DPYD: variants seen among roughly 807,000 people sequenced by gnomAD.
DPYD encodes the protein dihydropyrimidine dehydrogenase [NADP(+)].
DPYD carries 109 observed loss-of-function variants against 116.2 expected under a neutral mutation model. The ratio of observed to expected loss-of-function variants is 0.94; its 90% CI spans 0.80 to 1.10. The LOEUF is 1.10. DPYD is among the 50% of genes least tolerant of loss of function. The pLI is 0.00. For synonymous variants in DPYD, 440 were observed against 432.0 expected (o/e 1.02, Z -0.23); for missense variants, 1,302 against 1,254.5 (o/e 1.04, Z -0.57).
chr1:97,273,084 G>A (rs890977738), intron 18 of DPYD, among the ~76,000 whole-genome samples: 3 of 152,056 alleles, frequency 2.0e-5, no homozygotes, highest in Admixed American at 2.0e-4. Context: ...ACAGAAATGT[G>A]GGATGTTTCC....
At chr1:97,325,638 A>G (rs1360425942) in intron 16 of DPYD, among the ~76,000 whole-genome samples, 1 of 152,064 alleles carries the variant, frequency 6.6e-6, no homozygotes, top group African/African-American at 2.4e-5. Context: ...AAAACTTAGC[A>G]GTGGAGTGAT....
intron 10 of DPYD, among the ~76,000 whole-genome samples, chr1:97,584,349 A>G (rs866557629): frequency 1.6e-4 from 24 of 151,964 alleles, no homozygotes; most frequent in African/African-American, 5.5e-4. Flanking sequence ...ATTTTCTCCC[A>G]TTCTGTAGGT....
rs559881089 is a variant in DPYD at position 97,248,245 on chromosome 1, C to T, written c.2300-13251G>A. 3.3e-5 allele frequency among the ~76,000 whole-genome samples: 5 copies of T among 152,292 alleles called. No individual in the cohort carries two copies. In the South Asian group the frequency reaches 6.2e-4, roughly 19 times the overall value. ...GAATTGTTAACTCCCACACTTCCCA[C>T]GTGTTGTGGGAGGAACCCAGTGGGA... On this transcript the variant is annotated intron_variant, in intron 18 of 22. Transcript: ENST00000370192.
chr1:97,736,833 GGTGTGTGTGTGTGCATTT>G (rs1476844544), intron 4 of DPYD, among the ~76,000 whole-genome samples: 1 of 143,474 alleles, frequency 7.0e-6, no homozygotes, highest in Admixed American at 7.1e-5. Flanking sequence ...TAGAGGTGGG[GGTGTGTGTGTGTGCATTT>G]GTGTGTGTGT....
chr1:97,811,835 T>C (rs1668363097), intron 3 of DPYD, among the ~76,000 whole-genome samples: 1 of 152,062 alleles, frequency 6.6e-6, no homozygotes, highest in Non-Finnish European at 1.5e-5. Flanking sequence ...CCTAATACCC[T>C]TTAATTATCA....
intron 16 of DPYD, among the ~76,000 whole-genome samples, chr1:97,314,492 T>TTTC (rs1553253001): frequency 6.0e-5 from 4 of 66,738 alleles, no homozygotes; most frequent in East Asian, 6.6e-4. Flanking sequence ...AAAGCTTTCT[T>TTTC]TTTTTTTTTT....
intron 15 of DPYD, 77 bp from the exon 16 acceptor site, chr1:97,373,721 C>T (rs1488428437): frequency 1.6e-6 from 2 of 1,268,524 alleles, no homozygotes; most frequent in Admixed American, 3.5e-5. Context: ...GTTGATAACA[C>T]AAGTCACATT....
At chr1:97,473,994 C>T (rs1415574287) in intron 13 of DPYD, among the ~76,000 whole-genome samples, 1 of 124,864 alleles carries the variant, frequency 8.0e-6, no homozygotes, top group East Asian at 2.4e-4. Flanking sequence ...CCTGCCTGGG[C>T]AACAGAGTGA....
chr1:97,134,364 C>T (rs1310423612), intron 20 of DPYD, among the ~76,000 whole-genome samples: 1 of 151,966 alleles, frequency 6.6e-6, no homozygotes, highest in African/African-American at 2.4e-5. Flanking sequence ...ATTCTCACAT[C>T]GTATGTATGA....
At chr1:97,253,183 A>G (rs930316707) in intron 18 of DPYD, among the ~76,000 whole-genome samples, 1 of 152,196 alleles carries the variant, frequency 6.6e-6, no homozygotes, top group Non-Finnish European at 1.5e-5. Context: ...TAATGTCACA[A>G]TCAATGATTA....
At chr1:97,651,443 T>C (rs571988288) in intron 8 of DPYD, among the ~76,000 whole-genome samples, 4 of 152,260 alleles carry the variant, frequency 2.6e-5, no homozygotes, top group Non-Finnish European at 5.9e-5. Flanking sequence ...AAGCTTCCAA[T>C]ACCTTTGAAA....
chr1:97,819,195 C>A (rs1668789914), intron 3 of DPYD, among the ~76,000 whole-genome samples: 1 of 151,836 alleles, frequency 6.6e-6, no homozygotes, highest in African/African-American at 2.4e-5. Flanking sequence ...ATAACATGTT[C>A]TCTGTGCATA....
intron 20 of DPYD, among the ~76,000 whole-genome samples, chr1:97,113,367 A>G (rs1482877974): frequency 6.6e-6 from 1 of 152,082 alleles, no homozygotes; most frequent in African/African-American, 2.4e-5. Flanking sequence ...GAAAGGTAAG[A>G]AAAGGTAATA....
At chr1:97,412,554 T>C (rs1674064993) in intron 14 of DPYD, among the ~76,000 whole-genome samples, 1 of 152,212 alleles carries the variant, frequency 6.6e-6, no homozygotes. Context: ...TAAAAATTTG[T>C]CAATTTGGAA....
chr1:97,117,512 T>C (rs1314098366), intron 20 of DPYD, among the ~76,000 whole-genome samples: 2 of 152,202 alleles, frequency 1.3e-5, no homozygotes, highest in African/African-American at 4.8e-5. Flanking sequence ...CCACATTCAT[T>C]CTATAAAGTT....
intron 13 of DPYD, among the ~76,000 whole-genome samples, chr1:97,481,250 A>G (rs923928092): frequency 9.2e-5 from 14 of 152,214 alleles, no homozygotes; most frequent in African/African-American, 2.9e-4. Flanking sequence ...TTTTGCACAT[A>G]TTATTTGGCC....
intron 16 of DPYD, among the ~76,000 whole-genome samples, chr1:97,321,492 A>G (rs1668266106): frequency 9.2e-6 from 1 of 108,918 alleles, no homozygotes. Context: ...AATGCTCATC[A>G]TCACTGGCCA....
chr1:97,817,515 AC>A (rs1172445331), intron 3 of DPYD, among the ~76,000 whole-genome samples: 3 of 152,076 alleles, frequency 2.0e-5, no homozygotes. Context: ...TTACAAAAAA[AC>A]ATAGGGCCAG....
intron 18 of DPYD, among the ~76,000 whole-genome samples, chr1:97,300,582 T>C (rs978646983): frequency 3.9e-5 from 6 of 152,078 alleles, no homozygotes; most frequent in Non-Finnish European, 7.4e-5. Flanking sequence ...TGCGTGAAAA[T>C]AGTTATTTAA....
Sources: allele counts gnomAD v4.1 joint callset (sites outside exome capture counted in the v4.1 genomes callset), GRCh38; gene constraint gnomAD v4.1.1; transcripts MANE v1.5; gene names NCBI Gene and HGNC (gene_info 2026-07-23, HGNC 2026-07-21).